The following MTFR1 variants were observed in gnomAD, a reference collection of about 807,000 sequenced individuals.
The protein encoded by MTFR1 is mitochondrial fission regulator 1, also known as chondrocyte protein with a poly-proline region.
A neutral mutation model predicts 38.8 loss-of-function variants in MTFR1; 28 were observed. The ratio of observed to expected loss-of-function variants is 0.72; its 90% CI spans 0.53 to 0.99. MTFR1 has a LOEUF of 0.99. MTFR1 is among the 50% of genes least tolerant of loss of function. MTFR1 has a pLI of 0.00. For missense variants in MTFR1, 358 were observed against 395.5 expected, an observed-to-expected ratio of 0.91 and a Z score of 0.81; for synonymous variants, 145 against 137.0, an observed-to-expected ratio of 1.06 and a Z score of -0.41.
At chr8:65,714,257 C>T (rs1272666163), downstream of MTFR1, 2 of 150,802 alleles carry the variant, frequency 1.3e-5, no homozygotes, top group Admixed American at 1.3e-4. Flanking sequence ...CACATGACTC[C>T]AGTATAGACG....
intron 1 of MTFR1, among the ~76,000 whole-genome samples, chr8:65,645,692 T>TGGGGGGGG: frequency 1.2e-5 from 1 of 83,176 alleles, no homozygotes; most frequent in South Asian, 7.6e-4. Flanking sequence ...CGCCCGGCTT[T>TGGGGGGGG]CCCCCCCCCC....
intron 3 of MTFR1, 65 bp downstream of exon 3, chr8:65,682,516 A>C (rs1804930353): frequency 1.1e-6 from 1 of 899,446 alleles, no homozygotes; most frequent in African/African-American, 1.8e-5. Flanking sequence ...AATAGGCAAG[A>C]TGGTTTTAAA....
chr8:65,752,934 A>G (rs1453796442), intron 3 of MTFR1, among the ~76,000 whole-genome samples: 3 of 151,960 alleles, frequency 2.0e-5, no homozygotes, highest in Non-Finnish European at 4.4e-5. Context: ...CTTCCTTTCC[A>G]TGATATATTT....
chr8:65,704,671 C>T lies in MTFR1; in HGVS notation c.282-23C>T, dbSNP rs529409093. On this transcript the variant is annotated intron_variant, in intron 4 of 7. Transcript: ENST00000262146. ...CGTTCTCTTACAAAGCCTGTGACAGCCCACCTTATGTCTTCCTTGCAGGAC... is the reference window on the plus strand; with the variant it reads ...CGTTCTCTTACAAAGCCTGTGACAGTCCACCTTATGTCTTCCTTGCAGGAC... 1.3e-3 allele frequency: 2,126 copies of T among 1,602,874 alleles called. 49 individuals are homozygous for T. The South Asian group carries it at 0.022, about 17-fold the overall frequency.
chr8:65,662,104 A>AGTCTCCCTCTCCCTCTCTTTCCACG (rs1809443075), intron 1 of MTFR1, among the ~76,000 whole-genome samples: 1 of 85,258 alleles, frequency 1.2e-5, no homozygotes, highest in Non-Finnish European at 2.5e-5. Context: ...CTCTTTCCAC[A>AGTCTCCCTCTCCCTCTCTTTCCACG]GTCTCCCTCT....
intron 5 of MTFR1, among the ~76,000 whole-genome samples, chr8:65,705,356 T>C (rs1283458604): frequency 1.3e-5 from 2 of 152,034 alleles, no homozygotes; most frequent in East Asian, 1.9e-4. Flanking sequence ...AAAAACCAGG[T>C]GTCAGTCCTT....
chr8:65,683,890 C>T (rs904317463), intron 3 of MTFR1, among the ~76,000 whole-genome samples: 7 of 152,244 alleles, frequency 4.6e-5, no homozygotes, highest in Non-Finnish European at 7.4e-5. Flanking sequence ...AAGTACTTTC[C>T]AAGAATTCAA....
At chr8:65,776,296 T>C in the MTFR1 span, among the ~76,000 whole-genome samples, 2 of 152,208 alleles carry the variant, frequency 1.3e-5, no homozygotes, top group African/African-American at 4.8e-5. Context: ...CTGGATTCTA[T>C]AGTATGCCTT....
chr8:65,728,269 T>C (rs1806689632), intron 3 of MTFR1: 1 of 152,238 alleles, frequency 6.6e-6, no homozygotes, highest in African/African-American at 2.4e-5. Flanking sequence ...CTAACATTTA[T>C]ATGTTATACA....
At chr8:65,743,930 T>G (rs1171024040) in intron 3 of MTFR1, among the ~76,000 whole-genome samples, 1 of 151,626 alleles carries the variant, frequency 6.6e-6, no homozygotes, top group Non-Finnish European at 1.5e-5. Context: ...CTTCCCAGAT[T>G]CAAGCAATTC....
intron 3 of MTFR1, among the ~76,000 whole-genome samples, chr8:65,750,510 G>GTA (rs1431396594): frequency 6.6e-6 from 1 of 151,368 alleles, no homozygotes; most frequent in Non-Finnish European, 1.5e-5. Flanking sequence ...GTGTCTGTGT[G>GTA]TGTCTGTGTG....
At chr8:65,704,594 G>A (rs1206147012) in intron 4 of MTFR1, 100 bp from the exon 5 acceptor site, 7 of 895,596 alleles carry the variant, frequency 7.8e-6, no homozygotes, top group Non-Finnish European at 1.2e-5. Flanking sequence ...AGCCTGAAAA[G>A]AGGTTCTTGG....
chr8:65,767,343 A>C (rs920386873), intron 3 of MTFR1, among the ~76,000 whole-genome samples: 1 of 152,230 alleles, frequency 6.6e-6, no homozygotes, highest in African/African-American at 2.4e-5. Context: ...CTGTTGTATA[A>C]GCAACCACAG....
At chr8:65,734,809 G>A (rs759044232) in intron 3 of MTFR1, 4 of 1,596,520 alleles carry the variant, frequency 2.5e-6, no homozygotes, top group East Asian at 2.2e-5. Flanking sequence ...GTTCCTTTAA[G>A]TAACAGTGCA....
At chr8:65,681,671 G>GTTT (rs200580429) in intron 2 of MTFR1, among the ~76,000 whole-genome samples, 5 of 108,366 alleles carry the variant, frequency 4.6e-5, no homozygotes, top group Admixed American at 2.8e-4. Context: ...TGTTGTTTTT[G>GTTT]TTTTTTTTTT....
At chr8:65,689,522 A>T in intron 3 of MTFR1, 5 of 1,193,398 alleles carry the variant, frequency 4.2e-6, no homozygotes, top group Non-Finnish European at 5.4e-6. Context: ...TTGAAAAAAA[A>T]TTTCTATCTC....
chr8:65,684,389 C>CTTT (rs139448639), intron 3 of MTFR1, among the ~76,000 whole-genome samples: 2 of 143,718 alleles, frequency 1.4e-5, no homozygotes, highest in Admixed American at 7.0e-5. Flanking sequence ...TATATTGAGT[C>CTTT]TTTTTTTTTT....
At chr8:65,660,881 A>T (rs538340258) in intron 1 of MTFR1, among the ~76,000 whole-genome samples, 1 of 152,336 alleles carries the variant, frequency 6.6e-6, no homozygotes, top group African/African-American at 2.4e-5. Flanking sequence ...ATGGAATGTT[A>T]TTCCACACTA....
At chr8:65,737,381 G>A (rs562861538) in intron 3 of MTFR1, among the ~76,000 whole-genome samples, 1 of 152,172 alleles carries the variant, frequency 6.6e-6, no homozygotes, top group South Asian at 2.1e-4. Context: ...TATAGCTACT[G>A]GGGCTACTCA....
Sources: gnomAD v4.1 joint callset for allele counts (sites outside exome capture counted in the v4.1 genomes callset) on GRCh38, gnomAD v4.1.1 for gene constraint, MANE v1.5 for transcripts, NCBI Gene and HGNC (gene_info 2026-07-23, HGNC 2026-07-21) for gene names.